Variants in SPINT2 observed in about 807,000 individuals in gnomAD.
SPINT2 encodes kunitz-type protease inhibitor 2.
SPINT2 carries 18 observed loss-of-function variants against 30.1 expected under a neutral mutation model. The observed-to-expected ratio is 0.60, with a 90% CI of 0.41 to 0.89. The LOEUF (loss-of-function observed/expected upper bound fraction) is 0.89, where lower values mean the gene tolerates loss of function less well. Among genes scored for constraint, SPINT2 ranks in the 40% least tolerant of loss-of-function variants. The pLI is 0.00. For missense variants in SPINT2, 276 were observed against 334.3 expected (o/e 0.83, Z 1.36); for synonymous variants, 139 against 137.9 (o/e 1.01, Z -0.05).
chr19:38,287,973 C>T, intron 3 of SPINT2, 38 bp downstream of exon 3: 2 of 1,600,656 alleles, frequency 1.2e-6, no homozygotes, highest in Non-Finnish European at 1.7e-6. Context: ...AGTGAGGCCA[C>T]CGGATGGGTC....
At chr19:38,291,545 GA>G (rs1968718779) in intron 6 of SPINT2, 5 of 397,326 alleles carry the variant, frequency 1.3e-5, no homozygotes, top group South Asian at 6.3e-5. Context: ...AGGTTGCCCT[GA>G]GAGTTGGGTT....
chr19:38,288,235 G>A (rs1036456782), intron 3 of SPINT2, among the ~76,000 whole-genome samples: 4 of 152,098 alleles, frequency 2.6e-5, no homozygotes, highest in Non-Finnish European at 5.9e-5. Context: ...GCCCCTCCTT[G>A]CTGTGCGGGC....
At chr19:38,270,947 C>G (rs1968447832) in intron 1 of SPINT2, among the ~76,000 whole-genome samples, 1 of 152,198 alleles carries the variant, frequency 6.6e-6, no homozygotes, top group South Asian at 2.1e-4. Flanking sequence ...CTAATGTGGA[C>G]ATTAGAGTGT....
rs1177206837 is a variant in SPINT2, at chr19:38,290,369, T to A, written c.553+89T>A. 6 of 1,579,562 alleles carry A rather than the reference T, an allele frequency of 3.8e-6. No individual in the cohort carries two copies. Among genetic ancestry groups the A allele is most frequent in the Non-Finnish European group, 5.2e-6 (6 of 1,163,236 alleles). ...CCCTAAAATATGAAGGCCTTGGAAA[T>A]GCTGTTCTTGGGCCCACCAGGGCAG... On this transcript the variant is annotated intron_variant, in intron 5 of 6. Transcript: ENST00000301244. The surrounding 1 kb of genome is among the most constrained non-coding windows in gnomAD (Gnocchi z 4.3).
At chr19:38,275,489 TAA>T in intron 1 of SPINT2, among the ~76,000 whole-genome samples, 1 of 152,104 alleles carries the variant, frequency 6.6e-6, no homozygotes, top group South Asian at 2.1e-4. Flanking sequence ...TGTGCCGGGC[TAA>T]GTTTTATATT....
At position 38,283,610 on chromosome 19, in the gene SPINT2, T is replaced by C. The variant is rs1968605679; in HGVS notation, c.107-17T>C. ...GATTGCCCTGCCAAGCTAACCGGGTTGTGCTTCGCGTTTCAGACTTCTGCC... is the reference window on the plus strand; with the variant it reads ...GATTGCCCTGCCAAGCTAACCGGGTCGTGCTTCGCGTTTCAGACTTCTGCC... On this transcript the variant is annotated splice_polypyrimidine_tract_variant and intron_variant, in intron 1 of 6. Transcript: ENST00000301244. 1 of 1,613,792 alleles carries C rather than the reference T, an allele frequency of 6.2e-7. No homozygotes were observed. Among genetic ancestry groups the C allele is most frequent in the South Asian group, 1.1e-5 (1 of 91,076 alleles).
chr19:38,283,506 C>T, intron 1 of SPINT2, 121 bp from the exon 2 acceptor site: 1 of 1,277,130 alleles, frequency 7.8e-7, no homozygotes. Flanking sequence ...AAACAGCTCA[C>T]AGGGGAACTG....
At chr19:38,279,897 G>A (rs918049991) in intron 1 of SPINT2, among the ~76,000 whole-genome samples, 2 of 152,018 alleles carry the variant, frequency 1.3e-5, no homozygotes, top group Non-Finnish European at 2.9e-5. Context: ...CAGGTGATCC[G>A]CCCACCTCAC....
chr19:38,265,007 C>T lies in SPINT2; in HGVS notation c.106+9C>T. The T allele has an allele frequency of 1.4e-6, 2 of 1,392,240 alleles. No individual in the cohort carries two copies. The highest frequency in any genetic ancestry group is 1.5e-5 in the South Asian group (1 of 66,466). 86.2% of individuals were successfully genotyped at this position (1,392,240 alleles called of 1,614,324 possible). On this transcript the variant is annotated intron_variant, in intron 1 of 6. Coordinates refer to ENST00000301244, the MANE Select transcript of SPINT2 (RefSeq NM_021102.4). ...AGAACGCAGCATCCACGGTGAGGGC[C>T]GGGCGGGTAGGCTGGAGGCGGGGCG...
chr19:38,292,056 G>GC lies in SPINT2; in HGVS notation c.*51dup. The GC allele has an allele frequency of 6.2e-7, 1 of 1,604,530 alleles. No homozygotes were observed. Among genetic ancestry groups the GC allele is most frequent in the Middle Eastern group, 1.7e-4 (1 of 6,032 alleles). ...GGAAGGGAGGGGAGACTATGTGTGA[G>GC]CTTTTTTTAAATAGAGGGATTGACT... On this transcript the variant is annotated 3_prime_UTR_variant, in exon 7 of 7. Transcript: ENST00000301244.
Position 38,290,140 on chromosome 19 carries a change from T to A in SPINT2, c.413T>A (p.Val138Asp). Residue 138 changes from valine (V) to aspartate (D), a missense_variant, in exon 5 of 7, where the codon GTC (valine) becomes GAC (aspartate). Coordinates refer to ENST00000301244, the MANE Select transcript of SPINT2 (RefSeq NM_021102.4). The surrounding 1 kb of genome is among the most constrained non-coding windows in gnomAD (Gnocchi z 4.3). Reference protein sequence around the residue: ...NYEEYCTANAVTGPCRASFPR... With the variant: ...NYEEYCTANADTGPCRASFPR... ...CTAGAATACTGCACCGCCAACGCAG[T>A]CACTGGGCCTTGCCGTGCATCCTTC... The A allele has an allele frequency of 6.2e-7, 1 of 1,612,560 alleles. No homozygotes were observed. Among genetic ancestry groups the A allele is most frequent in the Non-Finnish European group, 8.5e-7 (1 of 1,180,030 alleles).
chr19:38,279,314 C>T (rs966910981), intron 1 of SPINT2, among the ~76,000 whole-genome samples: 7 of 151,622 alleles, frequency 4.6e-5, no homozygotes, highest in African/African-American at 1.7e-4. Context: ...GCCTCACCAA[C>T]ATTGAGAAAC....
At chr19:38,287,782 G>T (rs988441996) in intron 2 of SPINT2, 94 bp from the exon 3 acceptor site, 1 of 1,323,462 alleles carries the variant, frequency 7.6e-7, no homozygotes, top group Non-Finnish European at 1.1e-6. Context: ...AGAAGTGGAT[G>T]CTGTGGTGAG....
intron 1 of SPINT2, among the ~76,000 whole-genome samples, chr19:38,278,785 G>C (rs1056700505): frequency 1.3e-5 from 2 of 152,172 alleles, no homozygotes; most frequent in African/African-American, 4.8e-5. Flanking sequence ...CTGGGTGACA[G>C]AGTAAGACTG....
rs745627010 is a variant in SPINT2, at chr19:38,290,180, T to C, written c.453T>C (p.Phe151=). ...GTGCATCCTTCCCACGCTGGTACTT[T>C]GACGTGGAGAGGAACTCCTGCAATA... ...PCRASFPRWY[F]DVERNSCNNF... The change falls in exon 5 of 7, where the codon TTT becomes TTC. Residue 151 remains phenylalanine, a synonymous_variant. Transcript: ENST00000301244. The surrounding 1 kb of genome is among the most constrained non-coding windows in gnomAD (Gnocchi z 4.3). 4.3e-6 allele frequency: 7 copies of C among 1,612,542 alleles called. No homozygotes were observed. The highest frequency in any genetic ancestry group is 5.9e-6 in the Non-Finnish European group (7 of 1,180,034).
intron 1 of SPINT2, among the ~76,000 whole-genome samples, chr19:38,280,847 A>T (rs1472958887): frequency 6.6e-6 from 1 of 152,168 alleles, no homozygotes; most frequent in African/African-American, 2.4e-5. Flanking sequence ...ATGCCATATG[A>T]TTCACCCATT....
At chr19:38,286,639 C>T (rs745880191) in intron 2 of SPINT2, among the ~76,000 whole-genome samples, 2 of 152,112 alleles carry the variant, frequency 1.3e-5, no homozygotes, top group South Asian at 2.1e-4. Flanking sequence ...AAAAATTAGC[C>T]GGGCCTGGTG....
chr19:38,264,656 C>T lies in SPINT2; in HGVS notation c.-237C>T. On this transcript the variant is annotated 5_prime_UTR_variant, in exon 1 of 7. Coordinates refer to ENST00000301244, the MANE Select transcript of SPINT2 (RefSeq NM_021102.4). Reference sequence around the variant, plus strand: ...GAGGGCCGTTGAGTGTCGCAGGCGGCGAGGGCGCGAGTGAGGAGCAGACCC... The same window carrying T: ...GAGGGCCGTTGAGTGTCGCAGGCGGTGAGGGCGCGAGTGAGGAGCAGACCC... 2 of 532,760 alleles carry T rather than the reference C, an allele frequency of 3.8e-6. No homozygotes were observed. Among genetic ancestry groups the T allele is most frequent in the African/African-American group, 2.0e-5 (1 of 49,294 alleles). The allele number at this position is 532,760 out of a possible 1,614,324, so 33.0% of individuals were successfully genotyped here.
chr19:38,271,234 G>A (rs1388154901), intron 1 of SPINT2, among the ~76,000 whole-genome samples: 1 of 152,200 alleles, frequency 6.6e-6, no homozygotes, highest in Non-Finnish European at 1.5e-5. Flanking sequence ...GCTCATGCCT[G>A]TAACCCCAGC....
Sources: gnomAD v4.1 joint callset for allele counts (sites outside exome capture counted in the v4.1 genomes callset) on GRCh38, gnomAD v4.1.1 for gene constraint, Gnocchi (gnomAD v3.1) non-coding constraint, MANE v1.5 for transcripts, NCBI Gene and HGNC (gene_info 2026-07-23, HGNC 2026-07-21) for gene names.